Variants in LENG8 observed in about 807,000 individuals in gnomAD.
LENG8 encodes the protein leukocyte receptor cluster member 8, also known as leukocyte receptor cluster (LRC) member 8.
Under a neutral mutation model 102.1 loss-of-function variants are expected in LENG8, and 28 were observed. The ratio of observed to expected loss-of-function variants is 0.27; its 90% CI spans 0.20 to 0.38. The LOEUF (loss-of-function observed/expected upper bound fraction) is 0.38, where lower values mean the gene tolerates loss of function less well. Ranked by LOEUF, LENG8 falls within the 10% of genes least tolerant of loss-of-function variation. The pLI is 1.00. For synonymous variants in LENG8, 531 were observed against 456.7 expected (o/e 1.16, Z -2.07); for missense variants, 1,022 against 1,113.9 (o/e 0.92, Z 1.17).
chr19:54,456,726 G>T lies in LENG8; in HGVS notation c.1536G>T (p.Arg512=), dbSNP rs951229967. The T allele has an allele frequency of 2.5e-6, 4 of 1,612,810 alleles. No homozygotes were observed. Among genetic ancestry groups the T allele is most frequent in the Non-Finnish European group, 3.4e-6 (4 of 1,179,654 alleles). ...DPERELKKQK[R]AARFQHGHSR... ...AGCGAGAGCTGAAGAAGCAGAAGCG[G>T]GCAGCCCGCTTCCAGCACGGACACT... The change falls in exon 11 of 16, where the codon CGG becomes CGT. Residue 512 remains arginine (R), a synonymous_variant. Coordinates refer to ENST00000326764, the MANE Select transcript of LENG8 (RefSeq NM_052925.4).
At chr19:54,451,486 T>TG (rs2083957493) in intron 2 of LENG8, 104 bp downstream of exon 2, 2 of 1,152,656 alleles carry the variant, frequency 1.7e-6, no homozygotes, top group African/African-American at 1.5e-5. Context: ...GGGGAGGTGA[T>TG]GCCACAATCC....
rs570148427 is a variant in LENG8 at position 54,461,198 on chromosome 19, G to A, written c.*270G>A. On this transcript the variant is annotated 3_prime_UTR_variant, in exon 16 of 16. Transcript: ENST00000326764. ...ATGGTCTGCAGGCTCATCTGTGTCC[G>A]CCTTTCACTCCACTAATGCTGTCTC... 706 of 669,916 alleles carry A rather than the reference G, an allele frequency of 1.1e-3. 6 individuals carry two copies. The highest frequency in any genetic ancestry group is 9.2e-3 in the African/African-American group (523 of 56,720). 41.5% of individuals were successfully genotyped at this position (669,916 alleles called of 1,614,324 possible). A position where few individuals can be genotyped will look rare whatever the true frequency, so the allele number is the denominator to read the frequency against.
chr19:54,461,910 C>T lies in LENG8; in HGVS notation c.*982C>T, dbSNP rs1391516543. ...TTCCAGATGTTCCTCCTCTGCCTCC[C>T]CTTCCCCTCCTCTCCCCTCCTTTTC... is the stretch of plus-strand genomic sequence containing the variant. On this transcript the variant is annotated 3_prime_UTR_variant, in exon 16 of 16. Coordinates refer to ENST00000326764, the MANE Select transcript of LENG8 (RefSeq NM_052925.4). 1.0e-5 allele frequency: 9 copies of T among 865,458 alleles called. No individual in the cohort carries two copies. The highest frequency in any genetic ancestry group is 8.0e-5 in the South Asian group (6 of 74,650). The allele number at this position is 865,458 out of a possible 1,614,324, so 53.6% of individuals were successfully genotyped here. A position where few individuals can be genotyped will look rare whatever the true frequency, so the allele number is the denominator to read the frequency against.
chr19:54,454,515 A>G lies in LENG8; in HGVS notation c.512A>G (p.Asn171Ser). 1 of 1,613,828 alleles carries G rather than the reference A, an allele frequency of 6.2e-7. No individual in the cohort carries two copies. Among genetic ancestry groups the G allele is most frequent in the Non-Finnish European group, 8.5e-7 (1 of 1,179,918 alleles). Residue 171 changes from asparagine (N) to serine (S), a missense_variant, in exon 6 of 16, where the codon AAT (asparagine) becomes AGT (serine). Asn to Ser is a conservative substitution (Grantham distance 46, BLOSUM62 1). Coordinates refer to ENST00000326764, the MANE Select transcript of LENG8 (RefSeq NM_052925.4). Reference protein sequence around the residue: ...LPSAQPPQPSNPPHGAHTLNS... With the variant: ...LPSAQPPQPSSPPHGAHTLNS... ...TCGGCTCAGCCCCCTCAGCCCTCAA[A>G]TCCCCCACATGGGGCTCACACGCTG...
chr19:54,454,926 A>G, intron 6 of LENG8, 25 bp from the exon 7 acceptor site: 1 of 1,614,020 alleles, frequency 6.2e-7, no homozygotes, highest in Non-Finnish European at 8.5e-7. Flanking sequence ...GAAGGGCCTA[A>G]CCATAGCTTT....
rs900848642 is a variant in LENG8, at chr19:54,459,917, CAG to C, written c.2241-848_2241-847del. ...GTGGCTCTCAAGCTTCTGTGCTACACAGGGGTGTGTGGTTGGGCGAGTGTCCT... is the reference window on the plus strand; with the variant it reads ...GTGGCTCTCAAGCTTCTGTGCTACACGGGTGTGTGGTTGGGCGAGTGTCCT... On this transcript the variant is annotated intron_variant, in intron 15 of 15. Coordinates refer to ENST00000326764, the MANE Select transcript of LENG8 (RefSeq NM_052925.4). 7.3e-5 allele frequency: 87 copies of C among 1,194,974 alleles called. No homozygotes were observed. In the African/African-American group the frequency reaches 1.2e-3, roughly 17 times the overall value. 74.0% of individuals were successfully genotyped at this position (1,194,974 alleles called of 1,614,324 possible).
chr19:54,460,901 C>G lies in LENG8; in HGVS notation c.2376C>G (p.Leu792=). The change falls in exon 16 of 16, where the codon CTC becomes CTG. Residue 792 remains leucine, a synonymous_variant. Coordinates refer to ENST00000326764, the MANE Select transcript of LENG8 (RefSeq NM_052925.4). ...ACAACTCCAGCATCGACTGCCGCCT[C>G]AGCCTGGCGCAGCTGTCAGCCTTCT... is the stretch of plus-strand genomic sequence containing the variant. ...GPDNSSIDCR[L]SLAQLSAF The G allele has an allele frequency of 6.4e-7, 1 of 1,550,878 alleles. No individual in the cohort carries two copies. The highest frequency in any genetic ancestry group is 1.9e-5 in the Admixed American group (1 of 51,526).
chr19:54,455,586 CA>C lies in LENG8; in HGVS notation c.1025+20del, dbSNP rs1195680148. ...TGCCGGGGTTAGTCTGGGTGGGGGACATAGGTGGGAGGGTGGTGCTGTGAGA... is the reference window on the plus strand; with the variant it reads ...TGCCGGGGTTAGTCTGGGTGGGGGACTAGGTGGGAGGGTGGTGCTGTGAGA... On this transcript the variant is annotated intron_variant, in intron 8 of 15. Coordinates refer to ENST00000326764, the MANE Select transcript of LENG8 (RefSeq NM_052925.4). The C allele has an allele frequency of 1.3e-6, 2 of 1,594,372 alleles. No homozygotes were observed. Among genetic ancestry groups the C allele is most frequent in the East Asian group, 4.5e-5 (2 of 44,290 alleles).
At position 54,461,484 on chromosome 19, in the gene LENG8, T is replaced by G; in HGVS notation, c.*556T>G. ...TGTGCCCGTCCTCGGCCCCCCACCC[T>G]GAAGTGCCAGCACCACCAGCACCAG... On this transcript the variant is annotated 3_prime_UTR_variant, in exon 16 of 16. Transcript: ENST00000326764. 1 of 465,434 alleles carries G rather than the reference T, an allele frequency of 2.1e-6. No individual in the cohort carries two copies. Among genetic ancestry groups the G allele is most frequent in the South Asian group, 1.6e-5 (1 of 64,248 alleles). 28.8% of individuals were successfully genotyped at this position (465,434 alleles called of 1,614,324 possible).
intron 3 of LENG8, 68 bp downstream of exon 3, chr19:54,452,335 C>G: frequency 7.2e-7 from 1 of 1,389,468 alleles, no homozygotes; most frequent in Non-Finnish European, 9.9e-7. Context: ...GTCTGGCGTC[C>G]TGTTGTATCA....
chr19:54,460,811 C>A lies in LENG8; in HGVS notation c.2286C>A (p.Ala762=). ...LPVSYLQAEL[A]FEGEAACRAF... Reference sequence around the variant, plus strand: ...TCTCCTACCTGCAGGCCGAGCTGGCCTTCGAGGGCGAGGCCGCCTGCCGGG... The same window carrying A: ...TCTCCTACCTGCAGGCCGAGCTGGCATTCGAGGGCGAGGCCGCCTGCCGGG... Residue 762 remains alanine, a synonymous_variant, in exon 16 of 16, where the codon GCC becomes GCA. Coordinates refer to ENST00000326764, the MANE Select transcript of LENG8 (RefSeq NM_052925.4). 1 of 1,578,066 alleles carries A rather than the reference C, an allele frequency of 6.3e-7. No individual in the cohort carries two copies. The highest frequency in any genetic ancestry group is 8.6e-7 in the Non-Finnish European group (1 of 1,162,634).
Position 54,454,417 on chromosome 19 carries a change from C to G in LENG8, c.427-13C>G, listed in dbSNP as rs201940048. On this transcript the variant is annotated splice_polypyrimidine_tract_variant and intron_variant, in intron 5 of 15. Transcript: ENST00000326764. ...ATCTGCCTCCCGTGCTCAGCGCCTG[C>G]TTCCTTCTGCAGCCCCCAGTCCCCG... The G allele has an allele frequency of 6.3e-7, 1 of 1,591,592 alleles. No homozygotes were observed. The highest frequency in any genetic ancestry group is 2.2e-5 in the East Asian group (1 of 44,584).
intron 15 of LENG8, chr19:54,459,706 A>C: frequency 1.9e-6 from 2 of 1,027,374 alleles, no homozygotes; most frequent in African/African-American, 1.7e-5. Flanking sequence ...GGAGGTTTGG[A>C]GACTCATTCT....
At chr19:54,459,607 C>G (rs2084429248) in intron 15 of LENG8, 3 of 994,578 alleles carry the variant, frequency 3.0e-6, no homozygotes, top group Non-Finnish European at 3.6e-6. Flanking sequence ...ATGGTCACAG[C>G]ATGGAGGCCT....
At chr19:54,456,581 G>C in intron 10 of LENG8, 55 bp from the exon 11 acceptor site, 1 of 1,555,944 alleles carries the variant, frequency 6.4e-7, no homozygotes, top group South Asian at 1.2e-5. Flanking sequence ...AAGGGGCGAG[G>C]CTGAAGGGGG....
Position 54,454,323 on chromosome 19 carries a change from G to A in LENG8, c.427-107G>A, listed in dbSNP as rs1156955939. On this transcript the variant is annotated intron_variant, in intron 5 of 15. Transcript: ENST00000326764. ...TCACATTTGGGAAGGTCACGGGAGG[G>A]TTGAGTGCTGAGTGCTGTGACCACT... is the stretch of plus-strand genomic sequence containing the variant. The A allele has an allele frequency of 3.5e-6, 4 of 1,151,468 alleles. No homozygotes were observed. The African/African-American group carries it at 6.2e-5, about 18-fold the overall frequency. The allele number at this position is 1,151,468 out of a possible 1,614,324, so 71.3% of individuals were successfully genotyped here.
Position 54,458,417 on chromosome 19 carries a change from C to A in LENG8, c.2136C>A (p.His712Gln). Residue 712 changes from histidine to glutamine, a missense_variant, in exon 15 of 16, where the codon CAC (histidine) becomes CAA (glutamine). This residue lies in a region of LENG8 where 158 missense variants were observed against 229.0 expected (regional missense o/e 0.69). Transcript: ENST00000326764. The part of the protein sequence containing the change: ...LRTAWALGNY[H>Q]RFFRLYCHAP... ...CAGCCTGGGCCCTGGGCAACTACCA[C>A]CGCTTTTTCCGGCTCTACTGCCATG... 6.2e-7 allele frequency: 1 copy of A among 1,614,290 alleles called. No individual in the cohort carries two copies. Among genetic ancestry groups the A allele is most frequent in the Non-Finnish European group, 8.5e-7 (1 of 1,180,056 alleles).
At chr19:54,450,618 C>CTTTT (rs750997555) in intron 1 of LENG8, among the ~76,000 whole-genome samples, 9 of 108,810 alleles carry the variant, frequency 8.3e-5, no homozygotes, top group African/African-American at 1.8e-4. Context: ...TACTCCCTAG[C>CTTTT]TTTTTTTTTT....
rs1222977633 is a variant in LENG8, at chr19:54,461,644, C to G, written c.*716C>G. The G allele has an allele frequency of 8.4e-6, 4 of 476,382 alleles. No homozygotes were observed. The highest frequency in any genetic ancestry group is 4.6e-5 in the South Asian group (3 of 64,614). 29.5% of individuals were successfully genotyped at this position (476,382 alleles called of 1,614,324 possible). On this transcript the variant is annotated 3_prime_UTR_variant, in exon 16 of 16. Coordinates refer to ENST00000326764, the MANE Select transcript of LENG8 (RefSeq NM_052925.4). ...TGATTTTTTTTTCCCCTTTCCCTCC[C>G]TCCCTCTCCGCATTCTTCCCTTGGT...
Sources: gnomAD v4.1 joint callset for allele counts (sites outside exome capture counted in the v4.1 genomes callset) on GRCh38, gnomAD v4.1.1 for gene constraint, gnomAD v4.1.1 regional missense constraint, MANE v1.5 for transcripts, NCBI Gene and HGNC (gene_info 2026-07-23, HGNC 2026-07-21) for gene names.